GNAQ: variants seen among roughly 807,000 people sequenced by gnomAD.
GNAQ encodes G protein subunit alpha q.
GNAQ carries 8 observed loss-of-function variants against 43.9 expected under a neutral mutation model. The observed-to-expected ratio is 0.18, with a 90% CI of 0.11 to 0.33. The LOEUF is 0.33. GNAQ is among the 10% of genes least tolerant of loss of function. GNAQ has a pLI of 1.00. For missense variants in GNAQ, 158 were observed against 450.8 expected (o/e 0.35, Z 5.88); for synonymous variants, 155 against 170.7 (o/e 0.91, Z 0.71).
At chr9:77,831,958 T>C (rs988545787) in intron 2 of GNAQ, among the ~76,000 whole-genome samples, 3 of 152,162 alleles carry the variant, frequency 2.0e-5, no homozygotes, top group Admixed American at 2.0e-4. Context: ...TCATAATGCA[T>C]TAACCAGCAG....
chr9:77,860,546 G>A (rs140882703), intron 2 of GNAQ, among the ~76,000 whole-genome samples: 5 of 152,252 alleles, frequency 3.3e-5, no homozygotes, highest in African/African-American at 9.6e-5. Flanking sequence ...CATAAGGAGC[G>A]TGCAACCTAG....
chr9:77,929,246 G>A (rs554235876), intron 1 of GNAQ, among the ~76,000 whole-genome samples: 40 of 152,034 alleles, frequency 2.6e-4, no homozygotes, highest in Non-Finnish European at 4.3e-4. Flanking sequence ...TTGGAGAAAA[G>A]GTGTGAGAAG....
intron 1 of GNAQ, among the ~76,000 whole-genome samples, chr9:77,983,042 T>C (rs1409197640): frequency 1.3e-5 from 2 of 152,208 alleles, no homozygotes; most frequent in African/African-American, 2.4e-5. Context: ...GGTCTCTAAC[T>C]GGCCCCTATA....
chr9:77,719,708 T>C lies in GNAQ; in HGVS notation c.*1615A>G, dbSNP rs1215902582. Reference sequence around the variant, plus strand: ...TAAATCAAATTTCAACTCAAGCTGCTTGACAGAAGCTTGTCAATACATGTG... The same window carrying C: ...TAAATCAAATTTCAACTCAAGCTGCCTGACAGAAGCTTGTCAATACATGTG... On this transcript the variant is annotated 3_prime_UTR_variant, in exon 7 of 7. Transcript: ENST00000286548. 2.6e-5 allele frequency: 6 copies of C among 232,852 alleles called. No individual in the cohort carries two copies. The highest frequency in any genetic ancestry group is 5.1e-5 in the Non-Finnish European group (6 of 117,862). The allele number at this position is 232,852 out of a possible 1,614,324, so 14.4% of individuals were successfully genotyped here.
chr9:78,030,635 T>A (rs1824040306), intron 1 of GNAQ: 1 of 440,428 alleles, frequency 2.3e-6, no homozygotes, highest in Admixed American at 2.5e-5. Flanking sequence ...TCCCCCAACG[T>A]GCCCCGGCTC....
At position 77,775,639 on chromosome 9, in the gene GNAQ, C is replaced by T. The variant is rs573547489; in HGVS notation, c.735+18824G>A. On this transcript the variant is annotated intron_variant, in intron 5 of 6. Transcript: ENST00000286548. ...CATGGTCTCGATCTCTTGACGTGAT[C>T]AGCCTGCCTCGGCCTCCCAAAGTGC... Among the ~76,000 whole-genome samples the T allele has an allele frequency of 3.3e-5, 5 of 152,008 alleles. No homozygotes were observed. In the South Asian group the frequency reaches 1.0e-3, roughly 32 times the overall value.
intron 3 of GNAQ, among the ~76,000 whole-genome samples, chr9:77,809,507 T>G (rs1225002042): frequency 6.6e-6 from 1 of 152,228 alleles, no homozygotes; most frequent in Non-Finnish European, 1.5e-5. Flanking sequence ...CCATCTGTTT[T>G]TTGTGCTCTT....
intron 2 of GNAQ, among the ~76,000 whole-genome samples, chr9:77,870,309 C>CT (rs1349249602): frequency 1.4e-5 from 2 of 145,682 alleles, no homozygotes; most frequent in Non-Finnish European, 3.0e-5. Flanking sequence ...AGCTTGATGC[C>CT]TTTTTTTGGT....
At chr9:77,749,971 T>TCTCAA (rs1825787337) in intron 5 of GNAQ, among the ~76,000 whole-genome samples, 1 of 152,142 alleles carries the variant, frequency 6.6e-6, no homozygotes, top group East Asian at 1.9e-4. Context: ...TTTAGACTGT[T>TCTCAA]TTATTCTCAA....
chr9:77,794,161 G>A (rs565221316), intron 5 of GNAQ, among the ~76,000 whole-genome samples: 71 of 152,244 alleles, frequency 4.7e-4, no homozygotes, highest in South Asian at 3.5e-3. Flanking sequence ...CCTGTAGGAG[G>A]AAGACTATAA....
chr9:77,982,548 T>C (rs1178461701), intron 1 of GNAQ, among the ~76,000 whole-genome samples: 6 of 151,998 alleles, frequency 3.9e-5, no homozygotes, highest in African/African-American at 1.5e-4. Flanking sequence ...AGAAGTATGA[T>C]ACAAACAAAC....
chr9:77,745,480 A>G (rs1016641782), intron 5 of GNAQ, among the ~76,000 whole-genome samples: 1 of 152,160 alleles, frequency 6.6e-6, no homozygotes, highest in Non-Finnish European at 1.5e-5. Flanking sequence ...GGAAAAAAAA[A>G]ATCCTCAGAT....
At chr9:77,761,303 G>A (rs1352045734) in intron 5 of GNAQ, among the ~76,000 whole-genome samples, 2 of 121,638 alleles carry the variant, frequency 1.6e-5, no homozygotes, top group African/African-American at 3.0e-5. Context: ...CTGGCCAGCC[G>A]CCCCATCCGG....
In GNAQ at chr9:78,030,388, G is replaced by A. The variant is rs115019910; in HGVS notation, c.136+712C>T. 5.5e-3 allele frequency: 2,181 copies of A among 397,564 alleles called. 32 individuals are homozygous for A. Among genetic ancestry groups the A allele is most frequent in the African/African-American group, 0.039 (1,907 of 48,636 alleles). The allele number at this position is 397,564 out of a possible 1,614,324, so 24.6% of individuals were successfully genotyped here. On this transcript the variant is annotated intron_variant, in intron 1 of 6. Coordinates refer to ENST00000286548, the MANE Select transcript of GNAQ (RefSeq NM_002072.5). ...ACCATCCACTGGCCAACTCTTCTAG[G>A]CTCCCTCCTTTCGATGGTCTGGTGG...
At chr9:77,794,182 T>C (rs1345981602) in intron 5 of GNAQ, among the ~76,000 whole-genome samples, 1 of 152,178 alleles carries the variant, frequency 6.6e-6, no homozygotes, top group Non-Finnish European at 1.5e-5. Context: ...AATGATCTGA[T>C]GATTAGCCTA....
rs143265124 is a variant in GNAQ at position 77,940,694 on chromosome 9, G to T, written c.137-18349C>A. On this transcript the variant is annotated intron_variant, in intron 1 of 6. Transcript: ENST00000286548. ...TTTAAAATTTGCAAGTCGGCTGCGC[G>T]CGGTGGCTCACGCCTGTAATCCCAG... is the stretch of plus-strand genomic sequence containing the variant. Among the ~76,000 whole-genome samples the T allele has an allele frequency of 3.9e-5, 6 of 152,148 alleles. No individual in the cohort carries two copies. In the South Asian group the frequency reaches 6.2e-4, roughly 16 times the overall value.
intron 1 of GNAQ, among the ~76,000 whole-genome samples, chr9:78,004,707 T>A (rs1823684518): frequency 6.6e-6 from 1 of 151,362 alleles, no homozygotes; most frequent in Admixed American, 6.6e-5. Flanking sequence ...GTCATAGGAG[T>A]CAACAGAAAC....
intron 2 of GNAQ, among the ~76,000 whole-genome samples, chr9:77,841,826 T>C (rs981161608): frequency 3.3e-5 from 5 of 152,170 alleles, no homozygotes; most frequent in Non-Finnish European, 5.9e-5. Flanking sequence ...AAGGAAAAAC[T>C]GAGTCATAAG....
chr9:77,733,533 T>C (rs1825528322), intron 5 of GNAQ, among the ~76,000 whole-genome samples: 1 of 152,300 alleles, frequency 6.6e-6, no homozygotes, highest in Middle Eastern at 3.4e-3. Flanking sequence ...TCCCCACTTC[T>C]TATCCTTCAA....
Sources: allele counts gnomAD v4.1 joint callset (sites outside exome capture counted in the v4.1 genomes callset), GRCh38; gene constraint gnomAD v4.1.1; transcripts MANE v1.5; gene names NCBI Gene and HGNC (gene_info 2026-07-23, HGNC 2026-07-21).